Variants in TCF3 observed in about 807,000 individuals in gnomAD.
TCF3 encodes transcription factor 3.
TCF3 carries 54 observed loss-of-function variants against 72.3 expected under a neutral mutation model. The ratio of observed to expected loss-of-function variants is 0.75; its 90% CI spans 0.60 to 0.94. The LOEUF is 0.94. TCF3 is among the 40% of genes least tolerant of loss of function. TCF3 has a pLI of 0.00. For synonymous variants in TCF3, 525 were observed against 412.6 expected (o/e 1.27, Z -3.30); for missense variants, 1,078 against 934.4 (o/e 1.15, Z -2.00).
intron 3 of TCF3, among the ~76,000 whole-genome samples, chr19:1,640,196 C>G (rs2065036731): frequency 6.6e-6 from 1 of 152,070 alleles, no homozygotes; most frequent in African/African-American, 2.4e-5. Context: ...GGAATCCCAG[C>G]ACTTTTGGCA....
intron 2 of TCF3, among the ~76,000 whole-genome samples, chr19:1,646,826 G>C (rs147640302): frequency 1.3e-5 from 2 of 152,248 alleles, no homozygotes; most frequent in South Asian, 2.1e-4. Context: ...GCTCTGAAAA[G>C]TGAGAGGTTT....
At position 1,619,849 on chromosome 19, in the gene TCF3, C is replaced by CT; in HGVS notation, c.1097_1098insA (p.Ser367ValfsTer26). On this transcript the variant is annotated frameshift_variant, in exon 14 of 19. Coordinates refer to ENST00000262965, the MANE Select transcript of TCF3 (RefSeq NM_003200.5). LOFTEE classifies it high-confidence loss of function. ...GGGCTCCTGCTCGAGGCCACTGTGA[C>CT]GTTCCTGGAAGGGAGTGGGGACGTG... 1 of 1,577,254 alleles carries CT rather than the reference C, an allele frequency of 6.3e-7. No homozygotes were observed. Among genetic ancestry groups the CT allele is most frequent in the Non-Finnish European group, 8.6e-7 (1 of 1,162,436 alleles).
At chr19:1,642,157 C>CACAG (rs1555774850) in intron 3 of TCF3, among the ~76,000 whole-genome samples, 31 of 151,808 alleles carry the variant, frequency 2.0e-4, no homozygotes, top group African/African-American at 6.0e-4. Flanking sequence ...CACACACACA[C>CACAG]ACACACACGC....
In TCF3 at chr19:1,609,931, CA is replaced by C; in HGVS notation, c.*1775del. 4.3e-6 allele frequency: 1 copy of C among 232,728 alleles called. No individual in the cohort carries two copies. 14.4% of individuals were successfully genotyped at this position (232,728 alleles called of 1,614,324 possible). On this transcript the variant is annotated 3_prime_UTR_variant, in exon 19 of 19. Transcript: ENST00000262965. The stretch of plus-strand genomic sequence containing the variant: ...TGAACACAGCCAGCCCAGGGGTCCA[CA>C]AGGCCTCAATGCAGGGAGGGGCATG...
rs1365533220 is a variant in TCF3, at chr19:1,627,367, G to A, written c.358C>T (p.Leu120=). 9 of 1,610,042 alleles carry A rather than the reference G, an allele frequency of 5.6e-6. No homozygotes were observed. The highest frequency in any genetic ancestry group is 1.7e-5 in the Admixed American group (1 of 59,796). ...SFGRDAGVGG[L]TQAGFLSGEL... ...CGGCCCGAGCCCCTCACCTGAGTCA[G>A]GCCGCCCACGCCTGCGTCTCTCCCG... The change falls in exon 6 of 19, where the codon CTG becomes TTG. Residue 120 remains leucine (L), a synonymous_variant. Transcript: ENST00000262965.
chr19:1,623,446 T>A (rs2062501389), intron 8 of TCF3, among the ~76,000 whole-genome samples: 1 of 147,452 alleles, frequency 6.8e-6, no homozygotes, highest in Non-Finnish European at 1.5e-5. Flanking sequence ...GGCAGCGGCA[T>A]GATCTTGGCT....
intron 3 of TCF3, 68 bp downstream of exon 3, chr19:1,646,287 G>C (rs939219424): frequency 1.4e-5 from 20 of 1,476,166 alleles, no homozygotes; most frequent in Non-Finnish European, 1.8e-6. Context: ...TCCCTCGCCC[G>C]CACACTGTCT....
intron 3 of TCF3, among the ~76,000 whole-genome samples, chr19:1,634,807 T>C (rs2064178550): frequency 6.6e-6 from 1 of 152,252 alleles, no homozygotes; most frequent in Non-Finnish European, 1.5e-5. Context: ...AGCTGCTTTT[T>C]AAATAAAGTT....
chr19:1,626,939 G>A (rs2062957895), intron 6 of TCF3, among the ~76,000 whole-genome samples: 1 of 152,126 alleles, frequency 6.6e-6, no homozygotes, highest in African/African-American at 2.4e-5. Flanking sequence ...GAGGCTGCAT[G>A]GGACCCCTGT....
chr19:1,625,789 GC>G (rs1322155490), intron 6 of TCF3, 81 bp from the exon 7 acceptor site: 1 of 1,411,722 alleles, frequency 7.1e-7, no homozygotes, highest in Admixed American at 3.6e-5. Context: ...AACTGCAAAG[GC>G]CGAAGCCACT....
In TCF3 at chr19:1,614,462, G is replaced by A. The variant is rs950773519; in HGVS notation, c.1822+823C>T. ...ACGGGAAGCAGAGGGACGGACGGGC[G>A]GGATGGAGGGGAGGGCGGAAGGCAG... On this transcript the variant is annotated intron_variant, in intron 18 of 18. Transcript: ENST00000262965. This position sits in a 1 kb window ranked among gnomAD's most constrained non-coding sequence, Gnocchi z 5.6. Among the ~76,000 whole-genome samples, 10 of 152,218 alleles carry A rather than the reference G, an allele frequency of 6.6e-5. No homozygotes were observed. The highest frequency in any genetic ancestry group is 1.3e-4 in the Admixed American group (2 of 15,286).
chr19:1,615,618 C>T lies in TCF3; in HGVS notation c.1586+68G>A, dbSNP rs750176320. 7.3e-6 allele frequency: 11 copies of T among 1,515,214 alleles called. No homozygotes were observed. The highest frequency in any genetic ancestry group is 4.2e-5 in the African/African-American group (3 of 70,850). 93.9% of individuals were successfully genotyped at this position (1,515,214 alleles called of 1,614,324 possible). ...GGCCTCCCAGTGTGGGTGCGGTGTG[C>T]GTGTGGCCTGTGCACATGTGCGTCC... On this transcript the variant is annotated intron_variant, in intron 17 of 18. Coordinates refer to ENST00000262965, the MANE Select transcript of TCF3 (RefSeq NM_003200.5). This position sits in a 1 kb window ranked among gnomAD's most constrained non-coding sequence, Gnocchi z 7.3.
rs142504642 is a variant in TCF3, at chr19:1,636,006, G to A, written c.146-3601C>T. 6.1e-3 allele frequency among the ~76,000 whole-genome samples: 936 copies of A among 152,272 alleles called. 17 individuals carry two copies. Among genetic ancestry groups the A allele is most frequent in the African/African-American group, 0.021 (883 of 41,536 alleles). On this transcript the variant is annotated intron_variant, in intron 3 of 18. Transcript: ENST00000262965. ...ATTAAAATCGTGAAGGACCCCGATG[G>A]CAGCCTGTCCCACCGCCCTGCCTGG...
At chr19:1,617,462 C>T (rs1001860387) in intron 16 of TCF3, among the ~76,000 whole-genome samples, 18 of 152,378 alleles carry the variant, frequency 1.2e-4, no homozygotes, top group African/African-American at 3.4e-4. Context: ...CACAGTGCCC[C>T]AAATGAATGC....
rs2061426560 is a variant in TCF3 at position 1,615,196 on chromosome 19, C to T, written c.1822+89G>A. ...ACTGCTGCAGAGGGAGGGCTGGCTCCAGGAAGGCGGGCGGGGAAGGAGAAC... is the reference window on the plus strand; with the variant it reads ...ACTGCTGCAGAGGGAGGGCTGGCTCTAGGAAGGCGGGCGGGGAAGGAGAAC... On this transcript the variant is annotated intron_variant, in intron 18 of 18. Transcript: ENST00000262965. The surrounding 1 kb of genome is among the most constrained non-coding windows in gnomAD (Gnocchi z 7.3). 6.2e-6 allele frequency: 9 copies of T among 1,463,374 alleles called. No homozygotes were observed. The highest frequency in any genetic ancestry group is 2.7e-5 in the South Asian group (2 of 72,990). The allele number at this position is 1,463,374 out of a possible 1,614,324, so 90.6% of individuals were successfully genotyped here.
chr19:1,624,000 T>C lies in TCF3; in HGVS notation c.500A>G (p.Asp167Gly), dbSNP rs769709522. The C allele has an allele frequency of 5.6e-6, 9 of 1,613,198 alleles. No individual in the cohort carries two copies. The African/African-American group carries it at 6.7e-5, about 12-fold the overall frequency. The change falls in exon 8 of 19, where the codon GAC becomes GGC. Residue 167 changes from aspartate (D) to glycine (G), a missense_variant and splice_region_variant. Physicochemically the swap from Asp to Gly is moderately conservative, Grantham distance 94. Transcript: ENST00000262965. ...SRRRAADGSLDTQPKKVRKVP... is the reference protein window; with the variant it reads ...SRRRAADGSLGTQPKKVRKVP... ...CTTCCGGACCTTCTTGGGCTGCGTG[T>C]CTGTTAGAAGCAAAAGGGGTGAGAA...
At chr19:1,617,846 C>G (rs1343985102) in intron 16 of TCF3, among the ~76,000 whole-genome samples, 2 of 152,212 alleles carry the variant, frequency 1.3e-5, no homozygotes, top group South Asian at 4.1e-4. Flanking sequence ...GGCCCCCACC[C>G]ACTCCATGCC....
intron 7 of TCF3, among the ~76,000 whole-genome samples, chr19:1,624,995 G>C (rs1320072675): frequency 6.6e-6 from 1 of 152,192 alleles, no homozygotes; most frequent in Non-Finnish European, 1.5e-5. Context: ...ACAGGTGTGT[G>C]CCACCATACT....
rs774791642 is a variant in TCF3 at position 1,625,746 on chromosome 19, C to G, written c.367-38G>C. The G allele has an allele frequency of 4.8e-6, 7 of 1,465,636 alleles. No individual in the cohort carries two copies. The South Asian group carries it at 9.5e-5, about 20-fold the overall frequency. 90.8% of individuals were successfully genotyped at this position (1,465,636 alleles called of 1,614,324 possible). On this transcript the variant is annotated intron_variant, in intron 6 of 18. Transcript: ENST00000262965. ...GGATGGTCAGAAAGCGCCCAGCTGG[C>G]ATCCAGACCCCAGGCTGTTCCATTC... is the stretch of plus-strand genomic sequence containing the variant.
Sources: gnomAD v4.1 joint callset for allele counts (sites outside exome capture counted in the v4.1 genomes callset) on GRCh38, gnomAD v4.1.1 for gene constraint, Gnocchi (gnomAD v3.1) non-coding constraint, MANE v1.5 for transcripts, NCBI Gene and HGNC (gene_info 2026-07-23, HGNC 2026-07-21) for gene names.